AKAP6: variants seen among roughly 807,000 people sequenced by gnomAD.
AKAP6 encodes the protein A-kinase anchor protein 6.
A neutral mutation model predicts 188.5 loss-of-function variants in AKAP6; 58 were observed. That is an observed-to-expected ratio of 0.31 (90% CI 0.25 to 0.38). AKAP6 has a LOEUF of 0.38. Among genes scored for constraint, AKAP6 ranks in the 10% least tolerant of loss-of-function variants. The pLI is 1.00. For synonymous variants in AKAP6, 989 were observed against 998.6 expected (o/e 0.99, Z 0.18); for missense variants, 2,710 against 2,740.0 (o/e 0.99, Z 0.24).
intron 7 of AKAP6, among the ~76,000 whole-genome samples, chr14:32,623,963 G>C (rs1886913382): frequency 6.6e-6 from 1 of 152,098 alleles, no homozygotes; most frequent in Admixed American, 6.6e-5. Flanking sequence ...GGGTTGGTTT[G>C]TGCAAAGTTT....
chr14:32,634,588 A>G (rs1418175910), intron 7 of AKAP6, among the ~76,000 whole-genome samples: 3 of 152,064 alleles, frequency 2.0e-5, no homozygotes, highest in African/African-American at 7.2e-5. Context: ...ATGGCTATCC[A>G]GTCTAATTAA....
intron 9 of AKAP6, among the ~76,000 whole-genome samples, chr14:32,703,655 C>T (rs536933424): frequency 6.6e-6 from 1 of 152,206 alleles, no homozygotes; most frequent in African/African-American, 2.4e-5. Flanking sequence ...AATGCTGTCA[C>T]GGAAAAAGAA....
chr14:32,607,145 A>T (rs1886156936), intron 7 of AKAP6, among the ~76,000 whole-genome samples: 1 of 152,188 alleles, frequency 6.6e-6, no homozygotes, highest in Non-Finnish European at 1.5e-5. Flanking sequence ...TAAGAGCGCA[A>T]CTGGCTAATA....
intron 7 of AKAP6, among the ~76,000 whole-genome samples, chr14:32,645,750 G>T (rs1594808585): frequency 6.6e-6 from 1 of 152,128 alleles, no homozygotes; most frequent in Non-Finnish European, 1.5e-5. Flanking sequence ...CACAATTCTT[G>T]GGAACCTGGC....
At position 32,821,323 on chromosome 14, in the gene AKAP6, T is replaced by C. The variant is rs141386360; in HGVS notation, c.3589-79T>C. ...GGGCAGTTTTCTTTCCTGAGTCTTC[T>C]GAGAGATTTTCAATGGATAAAATTT... On this transcript the variant is annotated intron_variant, in intron 12 of 13. Transcript: ENST00000280979. 1.2e-3 allele frequency: 1,717 copies of C among 1,476,236 alleles called. 25 individuals are homozygous for C. In the African/African-American group the frequency reaches 0.022, roughly 19 times the overall value. The allele number at this position is 1,476,236 out of a possible 1,614,324, so 91.4% of individuals were successfully genotyped here. A position where few individuals can be genotyped will look rare whatever the true frequency, so the allele number is the denominator to read the frequency against.
In AKAP6 at chr14:32,694,229, T is replaced by C. The variant is rs574103729; in HGVS notation, c.2880-1761T>C. On this transcript the variant is annotated intron_variant, in intron 8 of 13. Coordinates refer to ENST00000280979, the MANE Select transcript of AKAP6 (RefSeq NM_004274.5). ...ACAAAAAATTAGCCGAGCGTGGTGG[T>C]GGGCGCCTGTAGTCCCAGCTACTCG... Among the ~76,000 whole-genome samples the C allele has an allele frequency of 1.6e-4, 25 of 151,916 alleles. No homozygotes were observed. In the East Asian group the frequency reaches 3.5e-3, roughly 21 times the overall value.
rs189909112 is a variant in AKAP6, at chr14:32,483,514, C to T, written c.324+49697C>T. Among the ~76,000 whole-genome samples the T allele has an allele frequency of 1.2e-3, 180 of 151,956 alleles. 4 individuals are homozygous for T. In the East Asian group the frequency reaches 0.026, roughly 22 times the overall value. On this transcript the variant is annotated intron_variant, in intron 2 of 13. Coordinates refer to ENST00000280979, the MANE Select transcript of AKAP6 (RefSeq NM_004274.5). Reference sequence around the variant, plus strand: ...ATTTATTTTTTATGAGATGGAGTTTCGCTCTTTTTGCCCAGGCTGGAGCAC... The same window carrying T: ...ATTTATTTTTTATGAGATGGAGTTTTGCTCTTTTTGCCCAGGCTGGAGCAC...
chr14:32,491,941 A>G (rs550392189), intron 2 of AKAP6, among the ~76,000 whole-genome samples: 13 of 152,156 alleles, frequency 8.5e-5, no homozygotes, highest in Non-Finnish European at 1.8e-4. Context: ...GGCCTGTAGA[A>G]GTCCCTCAAG....
intron 1 of AKAP6, among the ~76,000 whole-genome samples, chr14:32,399,644 C>A (rs1373219361): frequency 1.3e-5 from 2 of 152,120 alleles, no homozygotes; most frequent in Non-Finnish European, 2.9e-5. Context: ...CTGACAACTT[C>A]TCTTCCAGCC....
At chr14:32,365,306 T>A (rs1213275620) in intron 1 of AKAP6, among the ~76,000 whole-genome samples, 10 of 152,050 alleles carry the variant, frequency 6.6e-5, no homozygotes, top group Admixed American at 6.6e-4. Context: ...CAATTAGGAG[T>A]CTTCTGTAGC....
chr14:32,760,519 A>G (rs1478696664), intron 11 of AKAP6, among the ~76,000 whole-genome samples: 1 of 152,190 alleles, frequency 6.6e-6, no homozygotes, highest in Non-Finnish European at 1.5e-5. Flanking sequence ...TGCTTCTCAG[A>G]TATTCAAATA....
rs556475253 is a variant in AKAP6, at chr14:32,759,501, G to A, written c.3373-14177G>A. 2.6e-5 allele frequency among the ~76,000 whole-genome samples: 4 copies of A among 152,278 alleles called. No homozygotes were observed. The East Asian group carries it at 7.7e-4, about 29-fold the overall frequency. ...AGACCACCAGCAAAAGAGCCAATGA[G>A]TGTCTGTTTAGTCATGCTGTATGAA... On this transcript the variant is annotated intron_variant, in intron 11 of 13. Transcript: ENST00000280979.
intron 9 of AKAP6, among the ~76,000 whole-genome samples, chr14:32,698,874 C>T (rs1310505662): frequency 2.0e-5 from 3 of 152,116 alleles, no homozygotes; most frequent in African/African-American, 7.2e-5. Flanking sequence ...AGATCTTCAG[C>T]TGAGTGATGG....
intron 7 of AKAP6, among the ~76,000 whole-genome samples, chr14:32,659,044 A>G (rs1306100555): frequency 1.3e-5 from 2 of 152,090 alleles, no homozygotes; most frequent in Non-Finnish European, 2.9e-5. Flanking sequence ...TTGACAAGAC[A>G]CTAGCATGTT....
At chr14:32,815,999 G>A (rs143047455) in intron 12 of AKAP6, among the ~76,000 whole-genome samples, 1 of 152,222 alleles carries the variant, frequency 6.6e-6, no homozygotes, top group East Asian at 1.9e-4. Context: ...TCCTCCAGTT[G>A]CAAAATGGCT....
chr14:32,775,096 C>A (rs1253659423), intron 12 of AKAP6, among the ~76,000 whole-genome samples: 1 of 152,104 alleles, frequency 6.6e-6, no homozygotes. Flanking sequence ...CAAGTTATTA[C>A]TAGTAATCAG....
chr14:32,502,929 A>G (rs992002484), intron 2 of AKAP6, among the ~76,000 whole-genome samples: 3 of 152,142 alleles, frequency 2.0e-5, no homozygotes, highest in Admixed American at 6.6e-5. Context: ...AAAAATGTAA[A>G]CATATTGCAT....
intron 12 of AKAP6, among the ~76,000 whole-genome samples, chr14:32,795,545 G>A (rs1201655545): frequency 2.0e-5 from 3 of 152,136 alleles, no homozygotes; most frequent in Non-Finnish European, 4.4e-5. Context: ...AAATCTACAT[G>A]ATTATCTCAA....
At chr14:32,671,222 C>T (rs1190962823) in intron 7 of AKAP6, among the ~76,000 whole-genome samples, 4 of 152,040 alleles carry the variant, frequency 2.6e-5, no homozygotes, top group Non-Finnish European at 5.9e-5. Flanking sequence ...ACTGAGCTGT[C>T]GTGCAAACAC....
Sources: allele counts gnomAD v4.1 joint callset (sites outside exome capture counted in the v4.1 genomes callset), GRCh38; gene constraint gnomAD v4.1.1; transcripts MANE v1.5; gene names NCBI Gene and HGNC (gene_info 2026-07-23, HGNC 2026-07-21).